Variants in SRSF12 observed in about 807,000 individuals in gnomAD.
The protein encoded by SRSF12 is serine and arginine rich splicing factor 12.
A neutral mutation model predicts 34.1 loss-of-function variants in SRSF12; 21 were observed. The ratio of observed to expected loss-of-function variants is 0.62; its 90% CI spans 0.44 to 0.89. The LOEUF (loss-of-function observed/expected upper bound fraction) is 0.89, where lower values mean the gene tolerates loss of function less well. Ranked by LOEUF, SRSF12 falls within the 40% of genes least tolerant of loss-of-function variation. The pLI is 0.00. For synonymous variants in SRSF12, 111 were observed against 110.8 expected (o/e 1.00, Z -0.01); for missense variants, 278 against 327.8 (o/e 0.85, Z 1.17).
At chr6:89,115,385 C>T (rs1000106183) in intron 1 of SRSF12, among the ~76,000 whole-genome samples, 10 of 152,078 alleles carry the variant, frequency 6.6e-5, no homozygotes, top group African/African-American at 2.4e-4. Context: ...GGGGTTCAAG[C>T]GATTCTCGTG....
intron 4 of SRSF12, among the ~76,000 whole-genome samples, chr6:89,102,538 T>C (rs1768584822): frequency 6.6e-6 from 1 of 152,056 alleles, no homozygotes; most frequent in Non-Finnish European, 1.5e-5. Context: ...ATTCATTTTG[T>C]AGACAGCTGT....
chr6:89,107,215 C>T lies in SRSF12; in HGVS notation c.109G>A (p.Val37Ile), dbSNP rs1768832918. Residue 37 changes from valine (V) to isoleucine (I), a missense_variant, in exon 2 of 5, where the codon GTA becomes ATA. Coordinates refer to ENST00000452027, the MANE Select transcript of SRSF12 (RefSeq NM_080743.5). Reference sequence around the variant, plus strand: ...AAGTCAAGTGGAATGTAAACGTCTACTATAGGGCCATATCGACCAAACTCA... The same window carrying T: ...AAGTCAAGTGGAATGTAAACGTCTATTATAGGGCCATATCGACCAAACTCA... The part of the protein sequence containing the change: ...RREFGRYGPI[V>I]DVYIPLDFYT... 6.2e-7 allele frequency: 1 copy of T among 1,613,870 alleles called. No homozygotes were observed. Among genetic ancestry groups the T allele is most frequent in the Admixed American group, 1.7e-5 (1 of 59,962 alleles).
In SRSF12 at chr6:89,117,892, G is replaced by A. The variant is rs368664129; in HGVS notation, c.-5C>T. On this transcript the variant is annotated 5_prime_UTR_variant, in exon 1 of 5. Coordinates refer to ENST00000452027, the MANE Select transcript of SRSF12 (RefSeq NM_080743.5). ...GGGCCTCGTGTAGCGAGACATGACC[G>A]CTTCCTCCGTTCCCTCCGGGTCTGC... 157 of 1,560,790 alleles carry A rather than the reference G, an allele frequency of 1.0e-4. No individual in the cohort carries two copies. Among genetic ancestry groups the A allele is most frequent in the South Asian group, 3.4e-4 (29 of 86,096 alleles).
In SRSF12 at chr6:89,117,853, A is replaced by G; in HGVS notation, c.35T>C (p.Leu12Pro). ...SRYTRPPNTS[L>P]FIRNVADATR... ...GGCGTCCGCGACGTTCCTGATGAAC[A>G]GGGAGGTGTTGGGGGGCCTCGTGTA... The change falls in exon 1 of 5, where the codon CTG (leucine) becomes CCG (proline). Residue 12 changes from leucine to proline, a missense_variant. Transcript: ENST00000452027. 6.4e-7 allele frequency: 1 copy of G among 1,561,696 alleles called. No homozygotes were observed. Among genetic ancestry groups the G allele is most frequent in the Non-Finnish European group, 8.6e-7 (1 of 1,156,272 alleles).
intron 1 of SRSF12, among the ~76,000 whole-genome samples, chr6:89,115,687 A>G (rs1260806070): frequency 7.4e-6 from 1 of 135,876 alleles, no homozygotes; most frequent in African/African-American, 2.9e-5. Context: ...CCCAGGCTGG[A>G]GTGCAGTGGC....
rs763173864 is a variant in SRSF12, at chr6:89,098,599, A to G, written c.765T>C (p.Tyr255=). ...CTGTTCACCAACTGTTTTTATGACG[A>G]TAACTTCGAGATCTGGAATGTGACC... ...HFRSHSRSRS[Y]RHKNSW The change falls in exon 5 of 5, where the codon TAT becomes TAC. Residue 255 remains tyrosine (Y), a synonymous_variant. Transcript: ENST00000452027. 3.7e-6 allele frequency: 6 copies of G among 1,611,580 alleles called. No homozygotes were observed. The highest frequency in any genetic ancestry group is 2.2e-5 in the East Asian group (1 of 44,848).
intron 2 of SRSF12, chr6:89,106,864 T>A (rs977987579): frequency 2.4e-6 from 1 of 422,054 alleles, no homozygotes; most frequent in Non-Finnish European, 4.6e-6. Context: ...AGACTTCCCC[T>A]CTTCCAGGTC....
In SRSF12 at chr6:89,111,651, A is replaced by C. The variant is rs544226081; in HGVS notation, c.66-4393T>G. Among the ~76,000 whole-genome samples the C allele has an allele frequency of 6.6e-5, 10 of 152,140 alleles. No individual in the cohort carries two copies. In the South Asian group the frequency reaches 2.1e-3, roughly 32 times the overall value. The stretch of plus-strand genomic sequence containing the variant: ...TATATCTTTTTTCTTGCCTTGTTGC[A>C]CTGGTTAGGACCTGCAATAAAACGT... On this transcript the variant is annotated intron_variant, in intron 1 of 4. Coordinates refer to ENST00000452027, the MANE Select transcript of SRSF12 (RefSeq NM_080743.5).
chr6:89,116,178 T>A (rs1414028173), intron 1 of SRSF12, among the ~76,000 whole-genome samples: 1 of 152,220 alleles, frequency 6.6e-6, no homozygotes, highest in Non-Finnish European at 1.5e-5. Context: ...CTGTGCCTTA[T>A]AGGCTGGCAG....
chr6:89,110,994 C>A (rs1371945871), intron 1 of SRSF12, among the ~76,000 whole-genome samples: 1 of 152,036 alleles, frequency 6.6e-6, no homozygotes, highest in Non-Finnish European at 1.5e-5. Flanking sequence ...TGTCTATAAT[C>A]CCAGCTACTT....
chr6:89,109,367 G>A (rs985682551), intron 1 of SRSF12, among the ~76,000 whole-genome samples: 2 of 151,972 alleles, frequency 1.3e-5, no homozygotes, highest in African/African-American at 4.8e-5. Context: ...CACACAGTAG[G>A]TACTCAATAT....
In SRSF12 at chr6:89,117,771, C is replaced by T. The variant is rs376031978; in HGVS notation, c.65+52G>A. On this transcript the variant is annotated intron_variant, in intron 1 of 4. Transcript: ENST00000452027. ...GCCTCGGCCGTGCTCCGCGGCGCGG[C>T]TGTTACCCCGCCCCTCCTCCGCGCC... is the stretch of plus-strand genomic sequence containing the variant. 12 of 1,503,762 alleles carry T rather than the reference C, an allele frequency of 8.0e-6. No homozygotes were observed. In the East Asian group the frequency reaches 1.5e-4, roughly 18 times the overall value. 93.2% of individuals were successfully genotyped at this position (1,503,762 alleles called of 1,614,324 possible). A position where few individuals can be genotyped will look rare whatever the true frequency, so the allele number is the denominator to read the frequency against.
At chr6:89,104,867 A>G (rs1768711128) in intron 4 of SRSF12, among the ~76,000 whole-genome samples, 1 of 152,042 alleles carries the variant, frequency 6.6e-6, no homozygotes, top group African/African-American at 2.4e-5. Flanking sequence ...AGCCTGGGCA[A>G]CATAGCGAGA....
rs897994384 is a variant in SRSF12, at chr6:89,110,811, CAT to C, written c.66-3555_66-3554del. Among the ~76,000 whole-genome samples the C allele has an allele frequency of 2.6e-5, 4 of 152,112 alleles. No homozygotes were observed. In the South Asian group the frequency reaches 6.2e-4, roughly 24 times the overall value. On this transcript the variant is annotated intron_variant, in intron 1 of 4. Transcript: ENST00000452027. ...CCCAACCAACTTACATTTCCAAAAA[CAT>C]GTGTTAGAATTCCCACTGTTGCCCA...
chr6:89,106,972 C>T (rs1180781306), intron 2 of SRSF12, 182 bp downstream of exon 2: 1 of 655,240 alleles, frequency 1.5e-6, no homozygotes, highest in Admixed American at 2.1e-5. Context: ...TTCTAGCTAA[C>T]AGGTTGGTTC....
chr6:89,105,065 TATCTA>T, intron 4 of SRSF12, 49 bp downstream of exon 4: 1 of 1,510,418 alleles, frequency 6.6e-7, no homozygotes, highest in South Asian at 1.3e-5. Flanking sequence ...AAAAAATATA[TATCTA>T]TTTCCCAGAA....
intron 2 of SRSF12, chr6:89,106,764 A>C: frequency 2.9e-6 from 1 of 345,682 alleles, no homozygotes; most frequent in Non-Finnish European, 5.7e-6. Flanking sequence ...GAACCAACAA[A>C]ATCAGACTTG....
chr6:89,107,237 C>T lies in SRSF12; in HGVS notation c.87G>A (p.Glu29=). Residue 29 remains glutamate, a synonymous_variant, in exon 2 of 5, where the codon GAG becomes GAA. Transcript: ENST00000452027. ...CTACTATAGGGCCATATCGACCAAA[C>T]TCACGGCGCAAGTCCTCAGGCCTGA... ...DATRPEDLRR[E]FGRYGPIVDV... 1 of 1,614,054 alleles carries T rather than the reference C, an allele frequency of 6.2e-7. No individual in the cohort carries two copies. The highest frequency in any genetic ancestry group is 8.5e-7 in the Non-Finnish European group (1 of 1,180,024).
At position 89,114,248 on chromosome 6, in the gene SRSF12, T is replaced by C. The variant is rs140185464; in HGVS notation, c.65+3575A>G. ...TTCGAGACCAGCCTGGCCAACATGATGAAACCCCGTCTCTACTAAAAATAC... is the reference window on the plus strand; with the variant it reads ...TTCGAGACCAGCCTGGCCAACATGACGAAACCCCGTCTCTACTAAAAATAC... On this transcript the variant is annotated intron_variant, in intron 1 of 4. Transcript: ENST00000452027. Among the ~76,000 whole-genome samples, 62 of 152,202 alleles carry C rather than the reference T, an allele frequency of 4.1e-4. 1 individual carries two copies. In the East Asian group the frequency reaches 0.012, roughly 29 times the overall value.
Sources: gnomAD v4.1 joint callset for allele counts (sites outside exome capture counted in the v4.1 genomes callset) on GRCh38, gnomAD v4.1.1 for gene constraint, MANE v1.5 for transcripts, NCBI Gene and HGNC (gene_info 2026-07-23, HGNC 2026-07-21) for gene names.